SUSD1: variants seen among roughly 807,000 people sequenced by gnomAD.
The protein encoded by SUSD1 is sushi domain-containing protein 1.
Under a neutral mutation model 86.9 loss-of-function variants are expected in SUSD1, and 65 were observed. The ratio of observed to expected loss-of-function variants is 0.75; its 90% CI spans 0.61 to 0.92. The LOEUF (loss-of-function observed/expected upper bound fraction) is 0.92. Among genes scored for constraint, SUSD1 ranks in the 40% least tolerant of loss-of-function variants. The pLI, the probability that SUSD1 is intolerant of heterozygous loss-of-function variation, is 0.00. For synonymous variants in SUSD1, 346 were observed against 350.0 expected (o/e 0.99, Z 0.13); for missense variants, 850 against 929.7 (o/e 0.91, Z 1.11).
chr9:112,126,288 G>A (rs942382669), intron 5 of SUSD1, among the ~76,000 whole-genome samples: 1 of 152,172 alleles, frequency 6.6e-6, no homozygotes, highest in Non-Finnish European at 1.5e-5. Context: ...GTGCTCAGTG[G>A]AGAAGTCTGG....
At chr9:112,089,997 G>C (rs1167786500) in intron 10 of SUSD1, among the ~76,000 whole-genome samples, 2 of 151,996 alleles carry the variant, frequency 1.3e-5, no homozygotes, top group Non-Finnish European at 2.9e-5. Context: ...ATGAAAACAG[G>C]TGACAGGCCA....
chr9:112,099,786 CTT>C (rs901620013), intron 9 of SUSD1, among the ~76,000 whole-genome samples: 1 of 152,216 alleles, frequency 6.6e-6, no homozygotes, highest in Admixed American at 6.5e-5. Context: ...TAACTCTTCT[CTT>C]ATCAATTTTG....
intron 13 of SUSD1, among the ~76,000 whole-genome samples, chr9:112,061,103 T>C (rs1828703644): frequency 6.6e-6 from 1 of 152,220 alleles, no homozygotes; most frequent in Non-Finnish European, 1.5e-5. Context: ...AGGTGATTCC[T>C]ATAATCTGGC....
At chr9:112,147,639 C>T (rs538107978) in intron 3 of SUSD1, among the ~76,000 whole-genome samples, 2 of 151,738 alleles carry the variant, frequency 1.3e-5, no homozygotes, top group Non-Finnish European at 2.9e-5. Context: ...CGTGGCAGTG[C>T]GCACCTGTAG....
intron 5 of SUSD1, among the ~76,000 whole-genome samples, chr9:112,139,005 A>G (rs1488652555): frequency 1.3e-5 from 2 of 152,258 alleles, no homozygotes; most frequent in African/African-American, 2.4e-5. Flanking sequence ...TACATAATTT[A>G]CCAAAATTGA....
chr9:112,116,449 C>T (rs189256182), intron 6 of SUSD1, among the ~76,000 whole-genome samples: 4 of 152,204 alleles, frequency 2.6e-5, no homozygotes, highest in African/African-American at 9.6e-5. Flanking sequence ...AGACTATATG[C>T]CCTCATTCCA....
chr9:112,080,690 G>GAA (rs56022766), intron 10 of SUSD1, among the ~76,000 whole-genome samples: 38,933 of 121,802 alleles, frequency 0.32, 5,625 homozygotes, highest in African/African-American at 0.36. Flanking sequence ...TCTGTCTCAA[G>GAA]AAAAAAAAAA....
chr9:112,044,942 T>TA (rs1235500826), intron 15 of SUSD1, among the ~76,000 whole-genome samples: 1 of 152,192 alleles, frequency 6.6e-6, no homozygotes, highest in African/African-American at 2.4e-5. Context: ...AATAAAGACA[T>TA]ACCTCAATAG....
rs187374446 is a variant in SUSD1, at chr9:112,131,027, A to G, written c.707-6591T>C. Among the ~76,000 whole-genome samples the G allele has an allele frequency of 3.3e-5, 5 of 152,276 alleles. No homozygotes were observed. In the East Asian group the frequency reaches 9.7e-4, roughly 29 times the overall value. On this transcript the variant is annotated intron_variant, in intron 5 of 16. Coordinates refer to ENST00000374270, the MANE Select transcript of SUSD1 (RefSeq NM_022486.5). ...GACAGAGACCCTGTCCCAAAAACAC[A>G]AAAACAAAAAACAAAAAAAGAAAAT...
intron 14 of SUSD1, among the ~76,000 whole-genome samples, chr9:112,055,762 T>C (rs1053094401): frequency 3.3e-5 from 5 of 152,198 alleles, no homozygotes; most frequent in African/African-American, 9.6e-5. Flanking sequence ...ATCCCATTAT[T>C]CATCCATGAA....
chr9:112,147,185 T>A (rs1040418447), intron 3 of SUSD1, among the ~76,000 whole-genome samples: 4 of 152,178 alleles, frequency 2.6e-5, no homozygotes, highest in Admixed American at 6.5e-5. Flanking sequence ...CTCGTCACCC[T>A]TCCACTAGCA....
intron 15 of SUSD1, among the ~76,000 whole-genome samples, chr9:112,049,632 G>A (rs1432789392): frequency 2.6e-5 from 4 of 152,332 alleles, no homozygotes; most frequent in East Asian, 1.9e-4. Context: ...GAACTGGCAC[G>A]ATTTCAGGAC....
In SUSD1 at chr9:112,092,842, GA is replaced by G. The variant is rs1227186252; in HGVS notation, c.1474+5627del. The stretch of plus-strand genomic sequence containing the variant: ...AAAAACATCGTAAACAAAATTGAAA[GA>G]AACCATAAAACAGAAGAAAGGCAAC... On this transcript the variant is annotated intron_variant, in intron 10 of 16. Coordinates refer to ENST00000374270, the MANE Select transcript of SUSD1 (RefSeq NM_022486.5). 2.0e-5 allele frequency among the ~76,000 whole-genome samples: 3 copies of G among 152,148 alleles called. No homozygotes were observed. In the East Asian group the frequency reaches 5.8e-4, roughly 29 times the overall value.
chr9:112,162,749 T>G (rs1833623702), intron 1 of SUSD1, among the ~76,000 whole-genome samples: 1 of 152,208 alleles, frequency 6.6e-6, no homozygotes, highest in Non-Finnish European at 1.5e-5. Flanking sequence ...CTGTAAATAA[T>G]TAAGCCCAAA....
At position 112,058,503 on chromosome 9, in the gene SUSD1, C is replaced by T; in HGVS notation, c.2034G>A (p.Gly678=). 6.2e-7 allele frequency: 1 copy of T among 1,614,094 alleles called. No individual in the cohort carries two copies. Among genetic ancestry groups the T allele is most frequent in the Non-Finnish European group, 8.5e-7 (1 of 1,180,008 alleles). Residue 678 remains glycine (G), a synonymous_variant, in exon 14 of 17, where the codon GGG becomes GGA. Transcript: ENST00000374270. ...TTTTCAAGGGTGCATTATAATATTC[C>T]CCATAGTACAGCCTGTCTCCTATAG... The part of the protein sequence containing the change: ...EIPIGDRLYY[G]EYYNAPLKRG...
Position 112,041,382 on chromosome 9 carries a change from A to G in SUSD1, c.*110T>C, listed in dbSNP as rs532932132. The G allele has an allele frequency of 1.6e-5, 12 of 770,158 alleles. No homozygotes were observed. In the East Asian group the frequency reaches 2.9e-4, roughly 19 times the overall value. 47.7% of individuals were successfully genotyped at this position (770,158 alleles called of 1,614,324 possible). Reference sequence around the variant, plus strand: ...TGGGAATGGAGAAAGTTGCAGGCCCACATGCTCCCTGGACGGAAGTCACAC... The same window carrying G: ...TGGGAATGGAGAAAGTTGCAGGCCCGCATGCTCCCTGGACGGAAGTCACAC... On this transcript the variant is annotated 3_prime_UTR_variant, in exon 17 of 17. Transcript: ENST00000374270.
At chr9:112,143,396 C>G in intron 4 of SUSD1, 75 bp downstream of exon 4, 1 of 1,507,336 alleles carries the variant, frequency 6.6e-7, no homozygotes, top group South Asian at 1.2e-5. Flanking sequence ...CTCCCCAACA[C>G]AGGCTTGGAG....
intron 1 of SUSD1, among the ~76,000 whole-genome samples, chr9:112,165,938 GAAAGAAGAAAGAAAGAAAGA>G (rs1564358086): frequency 1.5e-4 from 16 of 104,594 alleles, no homozygotes; most frequent in African/African-American, 6.5e-4. Flanking sequence ...AAGAAAGAAA[GAAAGAAGAAAGAAAGAAAGA>G]AAGAAAGAAA....
At chr9:112,108,708 G>A (rs1045523732) in intron 8 of SUSD1, among the ~76,000 whole-genome samples, 1 of 149,490 alleles carries the variant, frequency 6.7e-6, no homozygotes, top group African/African-American at 2.5e-5. Context: ...AGCCCAGGAG[G>A]TCAAGGTTGC....
Sources: gnomAD v4.1 joint callset for allele counts (sites outside exome capture counted in the v4.1 genomes callset) on GRCh38, gnomAD v4.1.1 for gene constraint, MANE v1.5 for transcripts, NCBI Gene and HGNC (gene_info 2026-07-23, HGNC 2026-07-21) for gene names.